OTOF: variants seen among roughly 807,000 people sequenced by gnomAD.
The protein encoded by OTOF is otoferlin, also known as fer-1-like family member 2.
Under a neutral mutation model 236.8 loss-of-function variants are expected in OTOF, and 218 were observed. That is an observed-to-expected ratio of 0.92 (90% CI 0.82 to 1.03). The LOEUF (loss-of-function observed/expected upper bound fraction) is 1.03, where lower values mean the gene tolerates loss of function less well. Among genes scored for constraint, OTOF ranks in the 50% least tolerant of loss-of-function variants. The pLI is 0.00. For missense variants in OTOF, 2,590 were observed against 2,694.4 expected (o/e 0.96, Z 0.86); for synonymous variants, 1,041 against 1,072.5 (o/e 0.97, Z 0.57).
chr2:26,521,967 G>A (rs1666686893), intron 3 of OTOF, among the ~76,000 whole-genome samples: 2 of 152,224 alleles, frequency 1.3e-5, no homozygotes, highest in African/African-American at 4.8e-5. Context: ...AGCAGGGCTG[G>A]CCATCTGGAG....
In OTOF at chr2:26,473,905, G is replaced by C; in HGVS notation, c.3408+86C>G. The C allele has an allele frequency of 6.5e-7, 1 of 1,546,668 alleles. No individual in the cohort carries two copies. Among genetic ancestry groups the C allele is most frequent in the Non-Finnish European group, 8.9e-7 (1 of 1,120,446 alleles). On this transcript the variant is annotated intron_variant, in intron 27 of 46. Transcript: ENST00000272371. This position sits in a 1 kb window ranked among gnomAD's most constrained non-coding sequence, Gnocchi z 7.2. ...TCTGCTGCTGGCTCCTGGTGATGGT[G>C]GTGGGAGGGGGATGACAAGCCACTT...
chr2:26,546,115 T>C (rs966614332), intron 1 of OTOF, among the ~76,000 whole-genome samples: 2 of 152,188 alleles, frequency 1.3e-5, no homozygotes, highest in African/African-American at 4.8e-5. Context: ...TGTACTGTAC[T>C]TTTACAATAA....
chr2:26,489,151 G>T, intron 11 of OTOF, 60 bp downstream of exon 11: 2 of 1,232,680 alleles, frequency 1.6e-6, no homozygotes, highest in Non-Finnish European at 1.2e-6. Flanking sequence ...GAAGGGCCCC[G>T]TGCACCACGC....
intron 1 of OTOF, among the ~76,000 whole-genome samples, chr2:26,546,242 C>T (rs1667329270): frequency 6.6e-6 from 1 of 152,148 alleles, no homozygotes; most frequent in South Asian, 2.1e-4. Context: ...TGGTGGATCA[C>T]TTGAGGTCAG....
chr2:26,475,445 C>G lies in OTOF; in HGVS notation c.3040G>C (p.Asp1014His), dbSNP rs199771991. 6 of 1,612,946 alleles carry G rather than the reference C, an allele frequency of 3.7e-6. No individual in the cohort carries two copies. In the African/African-American group the frequency reaches 6.7e-5, roughly 18 times the overall value. ...CPTWDQMLVF[D>H]NLELYGEAHE... Reference sequence around the variant, plus strand: ...GCTTCACCATAGAGCTCCAGGTTGTCGAACACCAGCATCTGGTCCCAGGTG... The same window carrying G: ...GCTTCACCATAGAGCTCCAGGTTGTGGAACACCAGCATCTGGTCCCAGGTG... Residue 1014 changes from aspartate (D) to histidine (H), a missense_variant, in exon 25 of 47, where the codon GAC becomes CAC. Coordinates refer to ENST00000272371, the MANE Select transcript of OTOF (RefSeq NM_194248.3).
rs764036733 is a variant in OTOF, at chr2:26,470,637, C to T, written c.3979G>A (p.Asp1327Asn). Reference sequence around the variant, plus strand: ...GAGGCAAAGTACTTGGACCACCAGTCCAGCATGCTCTCGTCTGGCTCCTCC... The same window carrying T: ...GAGGCAAAGTACTTGGACCACCAGTTCAGCATGCTCTCGTCTGGCTCCTCC... ...EEEEPDESML[D>N]WWSKYFASID... The change falls in exon 32 of 47, where the codon GAC (aspartate) becomes AAC (asparagine). Residue 1327 changes from aspartate to asparagine, a missense_variant. Transcript: ENST00000272371. This position sits in a 1 kb window ranked among gnomAD's most constrained non-coding sequence, Gnocchi z 4.3. 16 of 1,614,122 alleles carry T rather than the reference C, an allele frequency of 9.9e-6. No individual in the cohort carries two copies. Among genetic ancestry groups the T allele is most frequent in the Non-Finnish European group, 1.4e-5 (16 of 1,180,014 alleles).
chr2:26,516,360 CA>C, intron 5 of OTOF, 57 bp downstream of exon 5: 4 of 1,524,242 alleles, frequency 2.6e-6, no homozygotes. Context: ...GACCAGGCCC[CA>C]GGTCTCTTCC....
intron 15 of OTOF, among the ~76,000 whole-genome samples, 188 bp from the exon 16 acceptor site, chr2:26,480,499 G>A (rs114080437): frequency 0.026 from 3,902 of 152,334 alleles, 56 homozygotes; most frequent in African/African-American, 0.044. Context: ...AGGGCTGGCT[G>A]CAGACACCAC....
At chr2:26,535,166 GGA>G (rs1328175791) in intron 2 of OTOF, among the ~76,000 whole-genome samples, 12 of 152,202 alleles carry the variant, frequency 7.9e-5, no homozygotes, top group South Asian at 4.1e-4. Flanking sequence ...CAGGGGGTGT[GGA>G]GAGACTCCAA....
At chr2:26,488,693 A>AC (rs1665758333) in intron 11 of OTOF, among the ~76,000 whole-genome samples, 1 of 151,960 alleles carries the variant, frequency 6.6e-6, no homozygotes. Flanking sequence ...GCCTGACTTC[A>AC]CCCCCGGCCA....
At chr2:26,478,084 G>A in intron 18 of OTOF, 2 of 1,391,434 alleles carry the variant, frequency 1.4e-6, no homozygotes, top group Middle Eastern at 2.7e-4. Flanking sequence ...GGAAACCCTA[G>A]GACTGGATGT....
rs397517950 is a variant in OTOF at position 26,460,202 on chromosome 2, C to A, written c.5817G>T (p.Arg1939=). The change falls in exon 46 of 47, where the codon CGG becomes CGT. Residue 1939 remains arginine (R), a synonymous_variant. Coordinates refer to ENST00000272371, the MANE Select transcript of OTOF (RefSeq NM_194248.3). The surrounding 1 kb of genome is among the most constrained non-coding windows in gnomAD (Gnocchi z 5.3). ...GGAACCAGATGAAGCTCGTGTCGGG[C>A]CGGCTGGAGTATGAAGGGTAGAGAG... ...NEPDPLEKPN[R]PDTSFIWFLN... 6.2e-7 allele frequency: 1 copy of A among 1,600,552 alleles called. No homozygotes were observed. The highest frequency in any genetic ancestry group is 8.5e-7 in the Non-Finnish European group (1 of 1,174,162).
chr2:26,516,304 G>A, intron 5 of OTOF, 114 bp downstream of exon 5: 1 of 975,934 alleles, frequency 1.0e-6, no homozygotes, highest in Non-Finnish European at 1.6e-6. Flanking sequence ...CAGAAGCTCA[G>A]CCCTGTACTC....
In OTOF at chr2:26,459,962, G is replaced by A. The variant is rs1287221096; in HGVS notation, c.*17+46C>T. On this transcript the variant is annotated intron_variant, in intron 46 of 46. Transcript: ENST00000272371. ...CGTGTATATGTGTGTGTGTGCACGC[G>A]CCTGCCTAGCCCTTGGTCCAGAGGA... The A allele has an allele frequency of 2.0e-5, 31 of 1,539,230 alleles. No individual in the cohort carries two copies. In the South Asian group the frequency reaches 2.0e-4, roughly 10 times the overall value.
At chr2:26,540,657 G>A (rs1667191066) in intron 1 of OTOF, among the ~76,000 whole-genome samples, 4 of 152,132 alleles carry the variant, frequency 2.6e-5, no homozygotes. Flanking sequence ...GGCCGGGGGT[G>A]GCGGGGTCGT....
intron 6 of OTOF, among the ~76,000 whole-genome samples, chr2:26,503,333 C>T (rs1285917959): frequency 2.6e-5 from 4 of 152,226 alleles, no homozygotes; most frequent in African/African-American, 4.8e-5. Flanking sequence ...GGCCCTGCCG[C>T]GCCCTCCAGC....
chr2:26,531,417 G>A (rs1000973563), intron 2 of OTOF, among the ~76,000 whole-genome samples: 1 of 152,168 alleles, frequency 6.6e-6, no homozygotes, highest in South Asian at 2.1e-4. Context: ...TACCTTAGAG[G>A]GCTATTGAGA....
chr2:26,464,352 C>A (rs1664628565), intron 39 of OTOF, among the ~76,000 whole-genome samples: 2 of 151,898 alleles, frequency 1.3e-5, no homozygotes, highest in South Asian at 4.2e-4. Context: ...CTGGAGAGCC[C>A]TGCTGGGCTG....
intron 36 of OTOF, chr2:26,466,336 C>T: frequency 3.6e-6 from 2 of 556,896 alleles, no homozygotes; most frequent in Middle Eastern, 4.9e-4. Flanking sequence ...GCAGCTTCTT[C>T]TTCTTTTTTT....
Sources: gnomAD v4.1 joint callset for allele counts (sites outside exome capture counted in the v4.1 genomes callset) on GRCh38, gnomAD v4.1.1 for gene constraint, Gnocchi (gnomAD v3.1) non-coding constraint, MANE v1.5 for transcripts, NCBI Gene and HGNC (gene_info 2026-07-23, HGNC 2026-07-21) for gene names.